The following TRIML1 variants were observed in gnomAD, a reference collection of about 807,000 sequenced individuals.
The protein encoded by TRIML1 is probable E3 ubiquitin-protein ligase TRIML1.
TRIML1 carries 34 observed loss-of-function variants against 32.3 expected under a neutral mutation model. The ratio of observed to expected loss-of-function variants is 1.05; its 90% CI spans 0.80 to 1.40. The LOEUF (loss-of-function observed/expected upper bound fraction) is 1.40. Ranked by LOEUF, TRIML1 falls within the 40% of genes most tolerant of loss-of-function variation. The pLI is 0.00. For synonymous variants in TRIML1, 244 were observed against 226.6 expected, an observed-to-expected ratio of 1.08 and a Z score of -0.69; for missense variants, 595 against 574.9, an observed-to-expected ratio of 1.03 and a Z score of -0.36.
rs1734786315 is a variant in TRIML1, at chr4:188,139,891, T to C, written c.333T>C (p.Gly111=). ...TAKALSDDEQ[G]GSAFVAQSHG... ...AGGCGCTCTCCGATGACGAGCAGGGTGGAAGCGCCTTCGTAGCCCAGAGCC... is the reference window on the plus strand; with the variant it reads ...AGGCGCTCTCCGATGACGAGCAGGGCGGAAGCGCCTTCGTAGCCCAGAGCC... The change falls in exon 1 of 6, where the codon GGT becomes GGC. Residue 111 remains glycine (G), a synonymous_variant. Coordinates refer to ENST00000332517, the MANE Select transcript of TRIML1 (RefSeq NM_178556.5). 1 of 1,613,766 alleles carries C rather than the reference T, an allele frequency of 6.2e-7. No homozygotes were observed. The highest frequency in any genetic ancestry group is 8.5e-7 in the Non-Finnish European group (1 of 1,180,004).
Position 188,139,739 on chromosome 4 carries a change from G to C in TRIML1, c.181G>C (p.Glu61Gln). 1 of 1,613,980 alleles carries C rather than the reference G, an allele frequency of 6.2e-7. No homozygotes were observed. Among genetic ancestry groups the C allele is most frequent in the Non-Finnish European group, 8.5e-7 (1 of 1,180,004 alleles). The change falls in exon 1 of 6, where the codon GAG becomes CAG. Residue 61 changes from glutamate (E) to glutamine (Q), a missense_variant. Glu to Gln is a conservative substitution (Grantham distance 29). Transcript: ENST00000332517. ...TTGTCCTGAGTGCTGGAGGACCTTG[G>C]AGGGCCCGCATTTCCAGTCAAACGA... ...LSCPECWRTL[E>Q]GPHFQSNERL...
At chr4:188,147,962 T>C (rs1232972339), downstream of TRIML1, among the ~76,000 whole-genome samples, 3 of 152,198 alleles carry the variant, frequency 2.0e-5, no homozygotes, top group Admixed American at 2.0e-4. Flanking sequence ...TGCAAATATT[T>C]GTGTGAATGT....
chr4:188,138,333 C>T (rs1029273757), upstream of TRIML1, among the ~76,000 whole-genome samples: 9 of 152,194 alleles, frequency 5.9e-5, no homozygotes, highest in African/African-American at 1.4e-4. Context: ...AACCAATGAA[C>T]GGAACAGCCT....
chr4:188,145,902 C>T (rs1309793933), intron 5 of TRIML1, among the ~76,000 whole-genome samples: 1 of 152,110 alleles, frequency 6.6e-6, no homozygotes, highest in East Asian at 1.9e-4. Flanking sequence ...TCCCTGGGTG[C>T]TGCACTGAAC....
chr4:188,150,293 G>A (rs534734034), downstream of TRIML1, among the ~76,000 whole-genome samples: 6 of 151,046 alleles, frequency 4.0e-5, no homozygotes, highest in Admixed American at 1.3e-4. Flanking sequence ...CACACCCAGC[G>A]AATTTTTGTA....
rs761110707 is a variant in TRIML1 at position 188,139,607 on chromosome 4, T to C, written c.49T>C (p.Phe17Leu). The C allele has an allele frequency of 4.3e-6, 7 of 1,610,164 alleles. No individual in the cohort carries two copies. In the South Asian group the frequency reaches 7.7e-5, roughly 18 times the overall value. Residue 17 changes from phenylalanine (F) to leucine (L), a missense_variant, in exon 1 of 6, where the codon TTC (phenylalanine) becomes CTC (leucine). Transcript: ENST00000332517. ...GAACCTCAGGGAGGAACTCACCTGT[T>C]TCATCTGCTTAGACTATTTCAGCAG... ...MENLREELTC[F>L]ICLDYFSSPV...
In TRIML1 at chr4:188,139,739, G is replaced by A. The variant is rs755912290; in HGVS notation, c.181G>A (p.Glu61Lys). The part of the protein sequence containing the change: ...LSCPECWRTL[E>K]GPHFQSNERL... ...TTGTCCTGAGTGCTGGAGGACCTTG[G>A]AGGGCCCGCATTTCCAGTCAAACGA... Residue 61 changes from glutamate to lysine, a missense_variant, in exon 1 of 6, where the codon GAG becomes AAG. Coordinates refer to ENST00000332517, the MANE Select transcript of TRIML1 (RefSeq NM_178556.5). The A allele has an allele frequency of 3.7e-6, 6 of 1,613,862 alleles. No homozygotes were observed. The highest frequency in any genetic ancestry group is 4.2e-6 in the Non-Finnish European group (5 of 1,180,012).
intron 3 of TRIML1, 48 bp downstream of exon 3, chr4:188,142,530 T>G: frequency 7.3e-7 from 1 of 1,379,280 alleles, no homozygotes. Flanking sequence ...TAGTAACTCA[T>G]AGTACTTCAA....
In TRIML1 at chr4:188,142,344, A is replaced by G. The variant is rs1734892909; in HGVS notation, c.597A>G (p.Leu199=). The change falls in exon 3 of 6, where the codon CTA becomes CTG. Residue 199 remains leucine, a synonymous_variant. Transcript: ENST00000332517. ...AAGAGGAGCAGCTGCAACTCCAGCTACTAGAACAGGAAGAGAAAGAGAACA... is the reference window on the plus strand; with the variant it reads ...AAGAGGAGCAGCTGCAACTCCAGCTGCTAGAACAGGAAGAGAAAGAGAACA... ...LKEEEQLQLQ[L]LEQEEKENMR... is the part of the protein sequence containing the mutation. The G allele has an allele frequency of 6.2e-7, 1 of 1,613,456 alleles. No homozygotes were observed. Among genetic ancestry groups the G allele is most frequent in the Non-Finnish European group, 8.5e-7 (1 of 1,179,876 alleles).
rs112173910 is a variant in TRIML1 at position 188,142,471 on chromosome 4, G to A, written c.724G>A (p.Glu242Lys). The change falls in exon 3 of 6, where the codon GAA becomes AAA. Residue 242 changes from glutamate to lysine, a missense_variant. Coordinates refer to ENST00000332517, the MANE Select transcript of TRIML1 (RefSeq NM_178556.5). ...GTCCTCAAGTCAAAGCTCGGCTTTCGAATCTCTTGAGGTGAGAATAACATT... is the reference window on the plus strand; with the variant it reads ...GTCCTCAAGTCAAAGCTCGGCTTTCAAATCTCTTGAGGTGAGAATAACATT... ...IESSSQSSAF[E>K]SLEEVRGALE... is the part of the protein sequence containing the mutation. The A allele has an allele frequency of 2.1e-3, 3,416 of 1,613,364 alleles. 59 individuals are homozygous for A. In the African/African-American group the frequency reaches 0.037, roughly 18 times the overall value.
At chr4:188,142,646 A>AAG (rs764756749) in intron 3 of TRIML1, among the ~76,000 whole-genome samples, 164 bp downstream of exon 3, 28 of 149,088 alleles carry the variant, frequency 1.9e-4, no homozygotes, top group East Asian at 9.7e-4. Flanking sequence ...AGCCTTATAG[A>AAG]AGAGAGAGAG....
intron 5 of TRIML1, among the ~76,000 whole-genome samples, chr4:188,145,768 A>T (rs1325872446): frequency 6.6e-6 from 1 of 152,148 alleles, no homozygotes; most frequent in Admixed American, 6.6e-5. Flanking sequence ...GTGAGTCAAG[A>T]TCGCGTCATT....
intron 3 of TRIML1, chr4:188,143,549 G>T: frequency 2.2e-6 from 1 of 445,804 alleles, no homozygotes; most frequent in South Asian, 2.3e-5. Context: ...GGATGATCGA[G>T]ACTAACAGGT....
chr4:188,142,475 C>A lies in TRIML1; in HGVS notation c.728C>A (p.Ser243Tyr), dbSNP rs1734901546. The A allele has an allele frequency of 6.2e-7, 1 of 1,612,798 alleles. No individual in the cohort carries two copies. The change falls in exon 3 of 6, where the codon TCT becomes TAT. Residue 243 changes from serine (S) to tyrosine (Y), a missense_variant. Coordinates refer to ENST00000332517, the MANE Select transcript of TRIML1 (RefSeq NM_178556.5). ...TCAAGTCAAAGCTCGGCTTTCGAAT[C>A]TCTTGAGGTGAGAATAACATTCATG... ...ESSSQSSAFE[S>Y]LEEVRGALER...
At chr4:188,141,679 G>T (rs1040607614) in intron 2 of TRIML1, among the ~76,000 whole-genome samples, 1 of 152,040 alleles carries the variant, frequency 6.6e-6, no homozygotes, top group African/African-American at 2.4e-5. Context: ...TAGAACGACC[G>T]CCTCCTGGGA....
chr4:188,137,865 G>T (rs983918242), upstream of TRIML1, among the ~76,000 whole-genome samples: 4 of 150,322 alleles, frequency 2.7e-5, no homozygotes, highest in Admixed American at 2.0e-4. Flanking sequence ...CACCCACCTC[G>T]GCCTCCCAAA....
At chr4:188,142,679 A>G (rs550644125) in intron 3 of TRIML1, among the ~76,000 whole-genome samples, 197 bp downstream of exon 3, 3 of 151,432 alleles carry the variant, frequency 2.0e-5, no homozygotes, top group Admixed American at 1.3e-4. Context: ...AAACACATCC[A>G]GAGGAATAAC....
In TRIML1 at chr4:188,140,760, G is replaced by GAAT. The variant is rs911999282; in HGVS notation, c.504+137_504+138insAAT. 140 of 651,172 alleles carry GAAT rather than the reference G, an allele frequency of 2.1e-4. 1 individual carries two copies. Among genetic ancestry groups the GAAT allele is most frequent in the Non-Finnish European group, 3.5e-4 (133 of 376,436 alleles). The allele number at this position is 651,172 out of a possible 1,614,324, so 40.3% of individuals were successfully genotyped here. The stretch of plus-strand genomic sequence containing the variant: ...CTAAAATATGCAGTTTCCTTGCATT[G>GAAT]GGCTGCCTTCTTCTGAGCGTCCTCG... On this transcript the variant is annotated intron_variant, in intron 2 of 5. Transcript: ENST00000332517.
upstream of TRIML1, among the ~76,000 whole-genome samples, chr4:188,138,946 A>G (rs982059370): frequency 2.0e-5 from 3 of 152,058 alleles, no homozygotes; most frequent in African/African-American, 7.2e-5. Flanking sequence ...TGGGATGAAT[A>G]AAATTAAATA....
Sources: allele counts gnomAD v4.1 joint callset (sites outside exome capture counted in the v4.1 genomes callset), GRCh38; gene constraint gnomAD v4.1.1; transcripts MANE v1.5; gene names NCBI Gene and HGNC (gene_info 2026-07-23, HGNC 2026-07-21).